ZNF521: variants seen among roughly 807,000 people sequenced by gnomAD.
ZNF521 encodes LYST-interacting protein 3.
Under a neutral mutation model 105.5 loss-of-function variants are expected in ZNF521, and 14 were observed. The observed-to-expected ratio is 0.13, with a 90% CI of 0.09 to 0.21. The LOEUF (loss-of-function observed/expected upper bound fraction) is 0.21, where lower values mean the gene tolerates loss of function less well. Among genes scored for constraint, ZNF521 ranks in the 10% least tolerant of loss-of-function variants. The pLI is 1.00. For synonymous variants in ZNF521, 635 were observed against 606.0 expected, an observed-to-expected ratio of 1.05 and a Z score of -0.70; for missense variants, 1,233 against 1,629.7, an observed-to-expected ratio of 0.76 and a Z score of 4.19.
chr18:25,253,778 G>C (rs926581484), intron 3 of ZNF521, among the ~76,000 whole-genome samples: 2 of 152,088 alleles, frequency 1.3e-5, no homozygotes, highest in East Asian at 1.9e-4. Flanking sequence ...GAGAAATACA[G>C]ATATAAATTG....
chr18:25,134,648 G>T (rs986915460), intron 5 of ZNF521, among the ~76,000 whole-genome samples: 3 of 152,062 alleles, frequency 2.0e-5, no homozygotes, highest in Non-Finnish European at 2.9e-5. Context: ...TGCAGCGGTT[G>T]CAGCTTTTCA....
chr18:25,327,391 C>G (rs1288009871), intron 2 of ZNF521: 1 of 1,119,990 alleles, frequency 8.9e-7, no homozygotes, highest in Non-Finnish European at 1.1e-6. Flanking sequence ...ATTTAAAGTT[C>G]ATATGTGTAC....
At chr18:25,143,629 A>G (rs914997592) in intron 5 of ZNF521, among the ~76,000 whole-genome samples, 1 of 152,158 alleles carries the variant, frequency 6.6e-6, no homozygotes, top group Non-Finnish European at 1.5e-5. Flanking sequence ...TGTAGCAAAG[A>G]TGCTAAGTAA....
At chr18:25,158,014 A>G (rs979189675) in intron 5 of ZNF521, among the ~76,000 whole-genome samples, 3 of 152,150 alleles carry the variant, frequency 2.0e-5, no homozygotes, top group African/African-American at 7.2e-5. Flanking sequence ...TCGGCCTCCC[A>G]AAGTGCTGGG....
At position 25,329,099 on chromosome 18, in the gene ZNF521, G is replaced by A. The variant is rs80009830; in HGVS notation, c.41-6912C>T. 1.8e-3 allele frequency among the ~76,000 whole-genome samples: 281 copies of A among 152,276 alleles called. 1 individual carries two copies. The highest frequency in any genetic ancestry group is 6.5e-3 in the African/African-American group (272 of 41,570). ...TTAACAGCCAGTTGATCAAGGCCCT[G>A]GAGATACAACGTCTAAATTCCTGTC... On this transcript the variant is annotated intron_variant, in intron 2 of 7. Coordinates refer to ENST00000361524, the MANE Select transcript of ZNF521 (RefSeq NM_015461.3).
At chr18:25,350,504 G>A (rs908502984) in intron 2 of ZNF521, among the ~76,000 whole-genome samples, 1 of 152,162 alleles carries the variant, frequency 6.6e-6, no homozygotes, top group Non-Finnish European at 1.5e-5. Context: ...AAGAAGCACC[G>A]CACGGTTTTG....
At chr18:25,139,372 C>CAAAAAAAAAAAAAAAAAA (rs36175281) in intron 5 of ZNF521, among the ~76,000 whole-genome samples, 22 of 51,388 alleles carry the variant, frequency 4.3e-4, no homozygotes, top group South Asian at 9.9e-4. Context: ...GACTCTGTCT[C>CAAAAAAAAAAAAAAAAAA]AAAAAAAAAA....
Position 25,226,522 on chromosome 18 carries a change from C to T in ZNF521, c.1396G>A (p.Gly466Ser). ...GCAGGCATGGCAGAAACAATCAGAC[C>T]TGGGTCCTGAGCTTCATGCACTTGC... ...LKQVHEAQDP[G>S]LIVSAMPAIV... is the part of the protein sequence containing the mutation. Residue 466 changes from glycine to serine, a missense_variant, in exon 4 of 8, where the codon GGT becomes AGT. Gly to Ser is a moderately conservative substitution (Grantham distance 56). Transcript: ENST00000361524. This position sits in a 1 kb window ranked among gnomAD's most constrained non-coding sequence, Gnocchi z 4.1. 6.2e-7 allele frequency: 1 copy of T among 1,614,132 alleles called. No homozygotes were observed. The highest frequency in any genetic ancestry group is 8.5e-7 in the Non-Finnish European group (1 of 1,180,018).
intron 3 of ZNF521, among the ~76,000 whole-genome samples, chr18:25,256,949 A>G (rs985482902): frequency 6.6e-6 from 1 of 152,166 alleles, no homozygotes; most frequent in African/African-American, 2.4e-5. Flanking sequence ...AAATACTTCA[A>G]TAAAGGCACC....
At chr18:25,249,102 C>T (rs553489560) in intron 3 of ZNF521, among the ~76,000 whole-genome samples, 1 of 151,926 alleles carries the variant, frequency 6.6e-6, no homozygotes, top group Admixed American at 6.6e-5. Context: ...AACCCTCTCT[C>T]ACATAGCAAG....
intron 7 of ZNF521, among the ~76,000 whole-genome samples, chr18:25,072,445 C>T (rs183989649): frequency 1.4e-4 from 22 of 152,226 alleles, no homozygotes; most frequent in Admixed American, 5.2e-4. Context: ...CAAGCTGACC[C>T]CTATCTGTTG....
intron 5 of ZNF521, among the ~76,000 whole-genome samples, chr18:25,158,684 G>A (rs866451372): frequency 2.0e-5 from 3 of 152,176 alleles, no homozygotes; most frequent in Non-Finnish European, 4.4e-5. Context: ...GCCGGGTGTG[G>A]TGGCTCACAC....
intron 3 of ZNF521, among the ~76,000 whole-genome samples, chr18:25,293,351 T>TACACACACACACACACACACAC (rs55818021): frequency 7.0e-6 from 1 of 143,126 alleles, no homozygotes; most frequent in African/African-American, 2.6e-5. Context: ...CATGTACACA[T>TACACACACACACACACACACAC]ACACACACAC....
chr18:25,350,834 G>A (rs1231848115), intron 2 of ZNF521, 73 bp downstream of exon 2: 6 of 1,502,404 alleles, frequency 4.0e-6, no homozygotes, highest in African/African-American at 1.4e-5. Flanking sequence ...TCGCAGCCAC[G>A]CAGCCCTCGC....
rs1429192840 is a variant in ZNF521 at position 25,225,919 on chromosome 18, G to T, written c.1999C>A (p.Pro667Thr). Residue 667 changes from proline to threonine, a missense_variant, in exon 4 of 8, where the codon CCT (proline) becomes ACT (threonine). Physicochemically the swap from Pro to Thr is conservative, Grantham distance 38. This residue lies in a region of ZNF521 where 614 missense variants were observed against 751.5 expected (regional missense o/e 0.82). Transcript: ENST00000361524. This position sits in a 1 kb window ranked among gnomAD's most constrained non-coding sequence, Gnocchi z 5.6. ...TTGGGGAATTCCTTGTTGCACTGAG[G>T]ACAGGTCAATTTTGGAAGCACAGTG... ...LDTVLPKLTC[P>T]QCNKEFPNQE... 1.2e-6 allele frequency: 2 copies of T among 1,614,150 alleles called. No homozygotes were observed. Among genetic ancestry groups the T allele is most frequent in the South Asian group, 2.2e-5 (2 of 91,086 alleles).
chr18:25,079,415 C>T (rs1318696162), intron 7 of ZNF521, among the ~76,000 whole-genome samples: 1 of 152,148 alleles, frequency 6.6e-6, no homozygotes, highest in Non-Finnish European at 1.5e-5. Context: ...GAGTCAGCGA[C>T]GGGTTTAAGG....
chr18:25,346,057 T>C (rs551045091), intron 2 of ZNF521, among the ~76,000 whole-genome samples: 29 of 152,114 alleles, frequency 1.9e-4, no homozygotes, highest in Non-Finnish European at 3.7e-4. Context: ...AATCTAATCA[T>C]GAAAAAAGGG....
At chr18:25,099,271 A>G (rs752850263) in intron 5 of ZNF521, among the ~76,000 whole-genome samples, 3 of 152,200 alleles carry the variant, frequency 2.0e-5, no homozygotes, top group African/African-American at 4.8e-5. Context: ...TGGTAAAACA[A>G]TATCTATTGT....
At chr18:25,316,195 G>A (rs889356820) in intron 3 of ZNF521, among the ~76,000 whole-genome samples, 1 of 151,782 alleles carries the variant, frequency 6.6e-6, no homozygotes, top group African/African-American at 2.4e-5. Context: ...ACCATGGAAC[G>A]GGCAGGGAGA....
Sources: gnomAD v4.1 joint callset for allele counts (sites outside exome capture counted in the v4.1 genomes callset) on GRCh38, gnomAD v4.1.1 for gene constraint, gnomAD v4.1.1 regional missense constraint, Gnocchi (gnomAD v3.1) non-coding constraint, MANE v1.5 for transcripts, NCBI Gene and HGNC (gene_info 2026-07-23, HGNC 2026-07-21) for gene names.